The following NADK2 variants were observed in gnomAD, a reference collection of about 807,000 sequenced individuals.
NADK2 encodes NAD kinase 2, mitochondrial, also known as NAD kinase domain-containing protein 1, mitochondrial.
A neutral mutation model predicts 62.1 loss-of-function variants in NADK2; 35 were observed. The ratio of observed to expected loss-of-function variants is 0.56; its 90% CI spans 0.43 to 0.75. NADK2 has a LOEUF of 0.75. Among genes scored for constraint, NADK2 ranks in the 30% least tolerant of loss-of-function variants. The pLI is 0.00. For synonymous variants in NADK2, 205 were observed against 207.9 expected, an observed-to-expected ratio of 0.99 and a Z score of 0.12; for missense variants, 439 against 561.3, an observed-to-expected ratio of 0.78 and a Z score of 2.20.
At chr5:36,230,202 T>A (rs1270741161) in intron 1 of NADK2, among the ~76,000 whole-genome samples, 1 of 152,096 alleles carries the variant, frequency 6.6e-6, no homozygotes, top group Non-Finnish European at 1.5e-5. Context: ...TTCTGCTCCT[T>A]TCTCCTACCT....
chr5:36,210,975 A>T (rs1036071843), intron 7 of NADK2, among the ~76,000 whole-genome samples: 3 of 152,188 alleles, frequency 2.0e-5, no homozygotes, highest in African/African-American at 7.2e-5. Context: ...CAACATTTAG[A>T]CATGGTAAGA....
chr5:36,221,270 C>G (rs1579623384), intron 4 of NADK2: 1 of 152,244 alleles, frequency 6.6e-6, no homozygotes, highest in East Asian at 1.9e-4. Context: ...TGTGAGTGGG[C>G]CATCTTGAAA....
At chr5:36,204,572 A>G (rs1456183504) in intron 8 of NADK2, among the ~76,000 whole-genome samples, 1 of 152,064 alleles carries the variant, frequency 6.6e-6, no homozygotes, top group African/African-American at 2.4e-5. Flanking sequence ...TTTCAATTTA[A>G]TCTATAAGAT....
chr5:36,202,406 C>T (rs1746481835), intron 8 of NADK2, among the ~76,000 whole-genome samples: 1 of 152,054 alleles, frequency 6.6e-6, no homozygotes, highest in South Asian at 2.1e-4. Flanking sequence ...TGATCTGGCT[C>T]TGTAGTATTT....
rs1748117767 is a variant in NADK2 at position 36,241,467 on chromosome 5, C to T, written c.300+32G>A. On this transcript the variant is annotated intron_variant, in intron 1 of 11. Transcript: ENST00000381937. The surrounding 1 kb of genome is among the most constrained non-coding windows in gnomAD (Gnocchi z 4.9). ...CCGCCACCAGAGCCCCGGCCGAGCC[C>T]GGGAGCGAAGCGGGGCCGAGCCAGG... The T allele has an allele frequency of 1.7e-5, 26 of 1,504,052 alleles. No individual in the cohort carries two copies. The highest frequency in any genetic ancestry group is 2.3e-5 in the Non-Finnish European group (26 of 1,132,238). The allele number at this position is 1,504,052 out of a possible 1,614,324, so 93.2% of individuals were successfully genotyped here. A position where few individuals can be genotyped will look rare whatever the true frequency, so the allele number is the denominator to read the frequency against.
At chr5:36,200,508 T>G (rs1746404602) in intron 9 of NADK2, among the ~76,000 whole-genome samples, 1 of 151,994 alleles carries the variant, frequency 6.6e-6, no homozygotes, top group Non-Finnish European at 1.5e-5. Flanking sequence ...TTGCTTTCCA[T>G]GATTTTGCTT....
rs533967702 is a variant in NADK2, at chr5:36,215,066, C to A, written c.781+2682G>T. 6.6e-5 allele frequency among the ~76,000 whole-genome samples: 10 copies of A among 152,196 alleles called. No homozygotes were observed. The East Asian group carries it at 1.9e-3, about 29-fold the overall frequency. ...TTTATATGAGGGATGTGAACATCCTCGAATTTTGGTATCTGCAGAGGGTCC... is the reference window on the plus strand; with the variant it reads ...TTTATATGAGGGATGTGAACATCCTAGAATTTTGGTATCTGCAGAGGGTCC... On this transcript the variant is annotated intron_variant, in intron 6 of 11. Transcript: ENST00000381937.
Position 36,195,200 on chromosome 5 carries a change from C to A in NADK2, c.1273G>T (p.Ala425Ser). ...TSFEFNDGAIASMMINKEDEL... is the reference protein window; with the variant it reads ...TSFEFNDGAISSMMINKEDEL... The stretch of plus-strand genomic sequence containing the variant: ...TCTTCTTTATTGATCATCATCGAAG[C>A]AATTGCACCATCATTAAACTCAAAA... Residue 425 changes from alanine to serine, a missense_variant, in exon 12 of 12, where the codon GCT (alanine) becomes TCT (serine). Ala to Ser is a moderately conservative substitution (Grantham distance 99). Transcript: ENST00000381937. 2 of 1,613,570 alleles carry A rather than the reference C, an allele frequency of 1.2e-6. No individual in the cohort carries two copies. The highest frequency in any genetic ancestry group is 1.7e-6 in the Non-Finnish European group (2 of 1,179,746).
At chr5:36,198,018 C>A (rs1746297420) in intron 10 of NADK2, among the ~76,000 whole-genome samples, 1 of 152,044 alleles carries the variant, frequency 6.6e-6, no homozygotes, top group Admixed American at 6.6e-5. Context: ...TGCCATATGG[C>A]CCTACCAAGT....
intron 4 of NADK2, among the ~76,000 whole-genome samples, chr5:36,219,910 ATATG>A (rs1351597944): frequency 6.6e-6 from 1 of 152,240 alleles, no homozygotes; most frequent in Non-Finnish European, 1.5e-5. Context: ...ATACATAATA[ATATG>A]TGAGTTTCTA....
chr5:36,239,318 T>C lies in NADK2; in HGVS notation c.300+2181A>G, dbSNP rs896279276. On this transcript the variant is annotated intron_variant, in intron 1 of 11. Coordinates refer to ENST00000381937, the MANE Select transcript of NADK2 (RefSeq NM_001085411.3). ...TTTGGCCTGTTAATAATCTCTCATC[T>C]GGTCTACAACTAATGCTATTGCATT... Among the ~76,000 whole-genome samples, 8 of 152,364 alleles carry C rather than the reference T, an allele frequency of 5.3e-5. No individual in the cohort carries two copies. The Middle Eastern group carries it at 0.01, about 194-fold the overall frequency.
chr5:36,198,650 T>C (rs1746323091), intron 10 of NADK2, among the ~76,000 whole-genome samples: 1 of 148,506 alleles, frequency 6.7e-6, no homozygotes, highest in Non-Finnish European at 1.5e-5. Flanking sequence ...ATATACCTGA[T>C]ATAAATTTCA....
intron 1 of NADK2, among the ~76,000 whole-genome samples, chr5:36,230,425 A>G (rs534062291): frequency 1.2e-4 from 18 of 152,356 alleles, no homozygotes; most frequent in Middle Eastern, 3.4e-3. Context: ...ACACCTGTTA[A>G]TTCCCTTTTT....
At chr5:36,235,076 TTAAAC>T (rs543715255) in intron 1 of NADK2, among the ~76,000 whole-genome samples, 25 of 152,306 alleles carry the variant, frequency 1.6e-4, no homozygotes, top group East Asian at 1.4e-3. Context: ...AAGTGACACT[TTAAAC>T]AAATTAACTA....
At chr5:36,208,659 T>C (rs1746730705) in intron 7 of NADK2, 1 of 1,533,832 alleles carries the variant, frequency 6.5e-7, no homozygotes, top group Non-Finnish European at 8.7e-7. Flanking sequence ...CTTCTTAAAT[T>C]GTCCACTGCT....
At chr5:36,222,886 C>G (rs1747327647) in intron 4 of NADK2, among the ~76,000 whole-genome samples, 1 of 152,048 alleles carries the variant, frequency 6.6e-6, no homozygotes, top group African/African-American at 2.4e-5. Flanking sequence ...TTTCATTCAT[C>G]AAGAATGATG....
intron 7 of NADK2, 65 bp downstream of exon 7, chr5:36,211,779 T>C (rs904198312): frequency 3.0e-6 from 4 of 1,351,364 alleles, no homozygotes; most frequent in Middle Eastern, 1.8e-4. Context: ...TTGTAGAAAC[T>C]GAATAAATAT....
At chr5:36,218,890 T>C (rs973075853) in intron 5 of NADK2, among the ~76,000 whole-genome samples, 14 of 152,260 alleles carry the variant, frequency 9.2e-5, no homozygotes, top group Non-Finnish European at 1.6e-4. Flanking sequence ...AGATGGGAGA[T>C]AAAGATAAAA....
chr5:36,229,118 A>C (rs1747610072), intron 1 of NADK2, among the ~76,000 whole-genome samples: 1 of 152,178 alleles, frequency 6.6e-6, no homozygotes, highest in South Asian at 2.1e-4. Flanking sequence ...CATTAGTGTT[A>C]ATATTTTGAT....
Sources: allele counts gnomAD v4.1 joint callset (sites outside exome capture counted in the v4.1 genomes callset), GRCh38; gene constraint gnomAD v4.1.1; non-coding constraint Gnocchi (gnomAD v3.1); transcripts MANE v1.5; gene names NCBI Gene and HGNC (gene_info 2026-07-23, HGNC 2026-07-21).